The following STAG1 variants were observed in gnomAD, a reference collection of about 807,000 sequenced individuals.
STAG1 encodes STAG1 cohesin complex component.
Under a neutral mutation model 170.9 loss-of-function variants are expected in STAG1, and 26 were observed. The observed-to-expected ratio is 0.15, with a 90% CI of 0.11 to 0.21. The LOEUF (loss-of-function observed/expected upper bound fraction) is 0.21, where lower values mean the gene tolerates loss of function less well. Ranked by LOEUF, STAG1 falls within the 10% of genes least tolerant of loss-of-function variation. The probability of loss-of-function intolerance (pLI) is 1.00; values close to 1 mark genes in which losing one functional copy is unlikely to be tolerated. For missense variants in STAG1, 964 were observed against 1,509.5 expected, an observed-to-expected ratio of 0.64 and a Z score of 5.99; for synonymous variants, 514 against 497.7, an observed-to-expected ratio of 1.03 and a Z score of -0.44.
chr3:136,629,794 T>C (rs1026091989), intron 2 of STAG1, among the ~76,000 whole-genome samples: 3 of 152,192 alleles, frequency 2.0e-5, no homozygotes, highest in Admixed American at 1.3e-4. Flanking sequence ...ATCTAAACCA[T>C]TGTTATACAG....
chr3:136,380,207 T>C (rs1576409503), intron 22 of STAG1, among the ~76,000 whole-genome samples: 1 of 152,140 alleles, frequency 6.6e-6, no homozygotes, highest in South Asian at 2.1e-4. Flanking sequence ...TCTTAATCAT[T>C]ACTGTGTATT....
rs2088621571 is a variant in STAG1, at chr3:136,441,216, A to G, written c.1546+2071T>C. Among the ~76,000 whole-genome samples, 3 of 152,124 alleles carry G rather than the reference A, an allele frequency of 2.0e-5. No homozygotes were observed. In the South Asian group the frequency reaches 6.2e-4, roughly 32 times the overall value. On this transcript the variant is annotated intron_variant, in intron 15 of 33. Transcript: ENST00000383202. ...CCTGGCTAATTTTTGTATTTTTAGT[A>G]GAGACGGGGTTTTGCCATATTGGCG... is the stretch of plus-strand genomic sequence containing the variant.
chr3:136,603,402 C>A (rs1385684123), intron 4 of STAG1, among the ~76,000 whole-genome samples: 1 of 111,384 alleles, frequency 9.0e-6, no homozygotes, highest in Non-Finnish European at 1.9e-5. Flanking sequence ...CCAAATAATT[C>A]CACCTCTAGC....
intron 23 of STAG1, among the ~76,000 whole-genome samples, chr3:136,370,643 G>C (rs1937281521): frequency 6.6e-6 from 1 of 152,272 alleles, no homozygotes; most frequent in East Asian, 1.9e-4. Flanking sequence ...AGTTTGCTGA[G>C]AGTGATGGTT....
At chr3:136,495,569 A>AT (rs1333254006) in intron 9 of STAG1, among the ~76,000 whole-genome samples, 1 of 152,170 alleles carries the variant, frequency 6.6e-6, no homozygotes, top group Non-Finnish European at 1.5e-5. Context: ...ACGGTGGCTC[A>AT]TGTCTGTAAT....
At chr3:136,406,408 T>G (rs1560092746) in intron 21 of STAG1, among the ~76,000 whole-genome samples, 1 of 152,192 alleles carries the variant, frequency 6.6e-6, no homozygotes, top group East Asian at 1.9e-4. Context: ...GGGGTGAGCA[T>G]ATGACTATAA....
intron 4 of STAG1, among the ~76,000 whole-genome samples, chr3:136,578,092 A>G (rs770194769): frequency 2.0e-5 from 3 of 152,220 alleles, no homozygotes; most frequent in Non-Finnish European, 4.4e-5. Context: ...GAAAACTACA[A>G]TAGTGAAGGG....
intron 28 of STAG1, among the ~76,000 whole-genome samples, chr3:136,355,599 AC>A (rs1182637960): frequency 1.3e-5 from 2 of 152,170 alleles, no homozygotes; most frequent in African/African-American, 4.8e-5. Context: ...CATCTACAGA[AC>A]AAAAACTCCA....
intron 14 of STAG1, among the ~76,000 whole-genome samples, chr3:136,443,676 G>C (rs2088695718): frequency 6.6e-6 from 1 of 152,158 alleles, no homozygotes; most frequent in Non-Finnish European, 1.5e-5. Flanking sequence ...AGCATAGCTA[G>C]TTAGAAAATT....
intron 7 of STAG1, among the ~76,000 whole-genome samples, chr3:136,505,307 T>A (rs547039291): frequency 6.6e-6 from 1 of 152,366 alleles, no homozygotes; most frequent in African/African-American, 2.4e-5. Context: ...ACATTTTAAC[T>A]GCTGACTATA....
At chr3:136,531,081 G>A (rs1935344323) in intron 6 of STAG1, among the ~76,000 whole-genome samples, 2 of 152,112 alleles carry the variant, frequency 1.3e-5, no homozygotes, top group Admixed American at 6.5e-5. Flanking sequence ...TCTAGCCTGG[G>A]CAACAAGAGC....
rs756646120 is a variant in STAG1 at position 136,464,976 on chromosome 3, T to C, written c.1218A>G (p.Glu406=). ...TTTCACAGTCTTCATTGGAAAGAGC[T>C]TCTTCACTTCCACTGAAAAATACAG... The part of the protein sequence containing the change: ...LVTLILHGSE[E]ALSNEDCENV... The change falls in exon 13 of 34, where the codon GAA becomes GAG. Residue 406 remains glutamate (E), a synonymous_variant. Coordinates refer to ENST00000383202, the MANE Select transcript of STAG1 (RefSeq NM_005862.3). 3.1e-6 allele frequency: 5 copies of C among 1,607,134 alleles called. No individual in the cohort carries two copies. The South Asian group carries it at 5.6e-5, about 18-fold the overall frequency.
At chr3:136,620,631 T>C (rs1371946720) in intron 3 of STAG1, among the ~76,000 whole-genome samples, 2 of 152,206 alleles carry the variant, frequency 1.3e-5, no homozygotes, top group African/African-American at 4.8e-5. Flanking sequence ...AAGTAGAAAT[T>C]CAGGAAGTTG....
chr3:136,724,068 C>T (rs1215990362), intron 1 of STAG1, among the ~76,000 whole-genome samples: 74 of 151,748 alleles, frequency 4.9e-4, no homozygotes, highest in Non-Finnish European at 3.2e-4. Context: ...AGTGAGGAGC[C>T]CCTCTGCCCG....
chr3:136,540,519 G>A (rs1390747258), intron 6 of STAG1, among the ~76,000 whole-genome samples: 3 of 151,814 alleles, frequency 2.0e-5, no homozygotes, highest in Non-Finnish European at 4.4e-5. Context: ...ATATTTACAG[G>A]AGTATTTTAA....
At chr3:136,618,470 T>C (rs1394042098) in intron 3 of STAG1, among the ~76,000 whole-genome samples, 1 of 152,244 alleles carries the variant, frequency 6.6e-6, no homozygotes, top group African/African-American at 2.4e-5. Context: ...GCTATTTCTT[T>C]TGCAGCACTG....
chr3:136,472,660 T>C (rs1423003260), intron 11 of STAG1, among the ~76,000 whole-genome samples, 168 bp from the exon 12 acceptor site: 4 of 152,226 alleles, frequency 2.6e-5, no homozygotes. Context: ...AAGGGGATGT[T>C]AGTATAAATG....
chr3:136,378,530 T>C (rs989760589), intron 22 of STAG1, among the ~76,000 whole-genome samples: 1 of 152,112 alleles, frequency 6.6e-6, no homozygotes, highest in African/African-American at 2.4e-5. Flanking sequence ...TAGCCGCGCA[T>C]GGTGGAGCAT....
intron 1 of STAG1, among the ~76,000 whole-genome samples, chr3:136,684,691 G>A (rs1440508766): frequency 3.3e-5 from 5 of 150,472 alleles, no homozygotes; most frequent in African/African-American, 7.4e-5. Context: ...TGGGAGAATC[G>A]CTTGAACCCG....
Sources: gnomAD v4.1 joint callset for allele counts (sites outside exome capture counted in the v4.1 genomes callset) on GRCh38, gnomAD v4.1.1 for gene constraint, MANE v1.5 for transcripts, NCBI Gene and HGNC (gene_info 2026-07-23, HGNC 2026-07-21) for gene names.